CPA6: variants seen among roughly 807,000 people sequenced by gnomAD.
CPA6 encodes carboxypeptidase B.
CPA6 carries 58 observed loss-of-function variants against 63.3 expected under a neutral mutation model. That is an observed-to-expected ratio of 0.92 (90% CI 0.74 to 1.14). The LOEUF (loss-of-function observed/expected upper bound fraction) is 1.14. Ranked by LOEUF, CPA6 falls within the 50% of genes most tolerant of loss-of-function variation. CPA6 has a pLI of 0.00. For synonymous variants in CPA6, 185 were observed against 179.0 expected (o/e 1.03, Z -0.27); for missense variants, 565 against 526.6 (o/e 1.07, Z -0.71).
intron 1 of CPA6, among the ~76,000 whole-genome samples, chr8:67,695,985 T>C (rs150632676): frequency 2.0e-5 from 3 of 152,276 alleles, no homozygotes; most frequent in African/African-American, 4.8e-5. Context: ...ACAATAATTC[T>C]GTTGAACTGG....
chr8:67,611,272 CAG>C (rs1814801238), intron 2 of CPA6, among the ~76,000 whole-genome samples: 1 of 152,022 alleles, frequency 6.6e-6, no homozygotes, highest in Admixed American at 6.6e-5. Context: ...TTAGTAGAGA[CAG>C]GGTTTTGCCA....
At chr8:67,475,842 T>G (rs1480657198) in intron 8 of CPA6, among the ~76,000 whole-genome samples, 1 of 92,874 alleles carries the variant, frequency 1.1e-5, no homozygotes, top group African/African-American at 4.8e-5. Context: ...TTTCTTTCTT[T>G]CTTTCTTTCT....
chr8:67,596,725 C>A (rs1814347355), intron 2 of CPA6, among the ~76,000 whole-genome samples: 1 of 152,134 alleles, frequency 6.6e-6, no homozygotes, highest in South Asian at 2.1e-4. Context: ...TGTTCTTTTT[C>A]TTGTCCAGGA....
At chr8:67,650,252 G>A (rs537063080) in intron 1 of CPA6, among the ~76,000 whole-genome samples, 2 of 152,164 alleles carry the variant, frequency 1.3e-5, no homozygotes, top group East Asian at 3.9e-4. Flanking sequence ...CATGCTTTTG[G>A]TTCCAAATTA....
At chr8:67,604,732 G>T (rs1814583736) in intron 2 of CPA6, among the ~76,000 whole-genome samples, 1 of 152,100 alleles carries the variant, frequency 6.6e-6, no homozygotes. Context: ...CATAGGACAC[G>T]TGGAGATTAG....
rs1474651390 is a variant in CPA6, at chr8:67,434,107, A to G, written c.972T>C (p.His324=). 1.2e-6 allele frequency: 2 copies of G among 1,613,872 alleles called. No individual in the cohort carries two copies. The highest frequency in any genetic ancestry group is 1.7e-5 in the Admixed American group (1 of 60,004). Residue 324 remains histidine (H), a synonymous_variant, in exon 9 of 11, where the codon CAT becomes CAC. Coordinates refer to ENST00000297770, the MANE Select transcript of CPA6 (RefSeq NM_020361.5). The part of the protein sequence containing the change: ...RKHIRAYLSF[H]AYAQMLLYPY... ...GATACAGTAACATCTGAGCATATGC[A>G]TGAAAGGAGAGATAAGCCCTAATGT...
In CPA6 at chr8:67,434,157, T is replaced by C. The variant is rs774363423; in HGVS notation, c.922A>G (p.Asn308Asp). The C allele has an allele frequency of 5.6e-6, 9 of 1,614,066 alleles. No homozygotes were observed. Among genetic ancestry groups the C allele is most frequent in the Middle Eastern group, 3.3e-4 (2 of 6,036 alleles). ...TGCTTTCTGTGTTTTCGAAGGAAGT[T>C]AGCTACAGCCTTCACTTCCGGCTCA... is the stretch of plus-strand genomic sequence containing the variant. ...ESEPEVKAVA[N>D]FLRKHRKHIR... The change falls in exon 9 of 11, where the codon AAC (asparagine) becomes GAC (aspartate). Residue 308 changes from asparagine (N) to aspartate (D), a missense_variant. Coordinates refer to ENST00000297770, the MANE Select transcript of CPA6 (RefSeq NM_020361.5).
chr8:67,511,915 A>G lies in CPA6; in HGVS notation c.318-260T>C, dbSNP rs1812050541. Among the ~76,000 whole-genome samples, 3 of 152,216 alleles carry G rather than the reference A, an allele frequency of 2.0e-5. No individual in the cohort carries two copies. The South Asian group carries it at 6.2e-4, about 31-fold the overall frequency. Reference sequence around the variant, plus strand: ...GTAACAATAGCTACTGCTGATTTGCAGCTGCAACAACCGAATGATGACTAC... The same window carrying G: ...GTAACAATAGCTACTGCTGATTTGCGGCTGCAACAACCGAATGATGACTAC... On this transcript the variant is annotated intron_variant, in intron 3 of 10. Transcript: ENST00000297770.
intron 2 of CPA6, among the ~76,000 whole-genome samples, chr8:67,590,166 T>C: frequency 6.6e-6 from 1 of 152,144 alleles, no homozygotes; most frequent in Non-Finnish European, 1.5e-5. Flanking sequence ...TGCCATAGTT[T>C]ACTGAGAATG....
chr8:67,657,308 C>T (rs1375642751), intron 1 of CPA6, among the ~76,000 whole-genome samples: 1 of 150,024 alleles, frequency 6.7e-6, no homozygotes, highest in Non-Finnish European at 1.5e-5. Flanking sequence ...TAGGAATAAA[C>T]TATTGCATAT....
At chr8:67,430,129 A>ATGTGTGTGTGTG in intron 9 of CPA6, among the ~76,000 whole-genome samples, 1 of 120,876 alleles carries the variant, frequency 8.3e-6, no homozygotes, top group South Asian at 2.6e-4. Context: ...TGGTATATAT[A>ATGTGTGTGTGTG]TATGTGTGTG....
At chr8:67,506,435 G>A (rs993150929) in intron 6 of CPA6, among the ~76,000 whole-genome samples, 1 of 152,320 alleles carries the variant, frequency 6.6e-6, no homozygotes, top group East Asian at 1.9e-4. Context: ...TTCTGAGCTG[G>A]ATATCTTGTA....
intron 8 of CPA6, among the ~76,000 whole-genome samples, chr8:67,454,820 T>C (rs943950873): frequency 6.6e-6 from 1 of 152,200 alleles, no homozygotes; most frequent in Non-Finnish European, 1.5e-5. Context: ...TTTTAAGTAT[T>C]GAGATGTAAA....
chr8:67,676,705 T>C (rs981792866), intron 1 of CPA6, among the ~76,000 whole-genome samples: 1 of 152,246 alleles, frequency 6.6e-6, no homozygotes, highest in African/African-American at 2.4e-5. Context: ...GACTGAACTT[T>C]ACCACCAGAA....
intron 8 of CPA6, among the ~76,000 whole-genome samples, chr8:67,437,002 T>C (rs992306821): frequency 2.6e-5 from 4 of 152,004 alleles, no homozygotes; most frequent in African/African-American, 9.7e-5. Context: ...AAGAGTCGAG[T>C]GGGGAACTTA....
chr8:67,679,729 C>T (rs1326555896), intron 1 of CPA6, among the ~76,000 whole-genome samples: 3 of 152,182 alleles, frequency 2.0e-5, no homozygotes, highest in Non-Finnish European at 4.4e-5. Context: ...AGTTAAACAG[C>T]ATGCTATTGA....
chr8:67,496,555 A>ATATATATATATATT (rs1199617624), intron 6 of CPA6, among the ~76,000 whole-genome samples: 66 of 100,950 alleles, frequency 6.5e-4, no homozygotes, highest in African/African-American at 2.1e-3. Flanking sequence ...ATATATATAT[A>ATATATATATATATT]TATTTATTTT....
chr8:67,447,506 T>TACACAC lies in CPA6; in HGVS notation c.839-13272_839-13267dup, dbSNP rs56840320. Among the ~76,000 whole-genome samples the TACACAC allele has an allele frequency of 6.4e-3, 909 of 142,648 alleles. 3 individuals carry two copies. Among genetic ancestry groups the TACACAC allele is most frequent in the Middle Eastern group, 0.024 (7 of 286 alleles). The allele number at this position is 142,648 out of a possible 152,430, so 93.6% of individuals were successfully genotyped here. A position where few individuals can be genotyped will look rare whatever the true frequency, so the allele number is the denominator to read the frequency against. ...CTGGGCTGAAGGAGATATGTGTGTA[T>TACACAC]ACACACACACACACACACACACACA... is the stretch of plus-strand genomic sequence containing the variant. On this transcript the variant is annotated intron_variant, in intron 8 of 10. Coordinates refer to ENST00000297770, the MANE Select transcript of CPA6 (RefSeq NM_020361.5).
intron 6 of CPA6, among the ~76,000 whole-genome samples, chr8:67,497,300 T>G (rs1048449125): frequency 1.3e-4 from 20 of 152,358 alleles, no homozygotes; most frequent in African/African-American, 4.6e-4. Context: ...ATGTGCTTCC[T>G]GTTTTTATGG....
Sources: allele counts gnomAD v4.1 joint callset (sites outside exome capture counted in the v4.1 genomes callset), GRCh38; gene constraint gnomAD v4.1.1; transcripts MANE v1.5; gene names NCBI Gene and HGNC (gene_info 2026-07-23, HGNC 2026-07-21).